Variants in SLC30A9 observed in about 807,000 individuals in gnomAD.
The protein encoded by SLC30A9 is proton-coupled zinc antiporter SLC30A9, mitochondrial.
Under a neutral mutation model 87.5 loss-of-function variants are expected in SLC30A9, and 58 were observed. The ratio of observed to expected loss-of-function variants is 0.66; its 90% CI spans 0.54 to 0.82. The LOEUF is 0.82. SLC30A9 is among the 40% of genes least tolerant of loss of function. The pLI, the probability that SLC30A9 is intolerant of heterozygous loss-of-function variation, is 0.00. For missense variants in SLC30A9, 557 were observed against 679.1 expected, an observed-to-expected ratio of 0.82 and a Z score of 2.00; for synonymous variants, 234 against 233.0, an observed-to-expected ratio of 1.00 and a Z score of -0.04.
At chr4:41,994,048 T>G (rs1714578758) in intron 1 of SLC30A9, among the ~76,000 whole-genome samples, 1 of 152,076 alleles carries the variant, frequency 6.6e-6, no homozygotes, top group African/African-American at 2.4e-5. Context: ...TCCCAGCTAC[T>G]TGGGAGACTG....
chr4:42,075,055 ATATATTTTTTTTTTTTTTTT>A (rs1718489617), intron 15 of SLC30A9, among the ~76,000 whole-genome samples: 2 of 21,700 alleles, frequency 9.2e-5, no homozygotes, highest in African/African-American at 3.5e-4. Context: ...ATATATATAT[ATATATTTTTTTTTTTTTTTT>A]TTTTTTTTTT....
In SLC30A9 at chr4:41,995,136, T is replaced by C. The variant is rs189963552; in HGVS notation, c.109+4376T>C. ...TTAGCTGGGCATGGTGGCAGGCGCC[T>C]GTAATCCCAGCTACTTGGGAGGCTG... On this transcript the variant is annotated intron_variant, in intron 1 of 17. Coordinates refer to ENST00000264451, the MANE Select transcript of SLC30A9 (RefSeq NM_006345.4). Among the ~76,000 whole-genome samples, 63 of 152,260 alleles carry C rather than the reference T, an allele frequency of 4.1e-4. 1 individual carries two copies. Among genetic ancestry groups the C allele is most frequent in the African/African-American group, 1.2e-3 (50 of 41,552 alleles).
intron 1 of SLC30A9, 88 bp downstream of exon 1, chr4:41,990,848 C>A: frequency 1.1e-6 from 1 of 945,956 alleles, no homozygotes; most frequent in South Asian, 1.4e-5. Context: ...GCAATTCGCC[C>A]ACTTGCCTTT....
chr4:42,010,186 G>C lies in SLC30A9; in HGVS notation c.275-7925G>C, dbSNP rs1715379788. ...CATGCTTTAGGTATCAAAACGTACT[G>C]TATTTTGGTCAAGTGAAGTGGCTCA... On this transcript the variant is annotated intron_variant, in intron 2 of 17. Coordinates refer to ENST00000264451, the MANE Select transcript of SLC30A9 (RefSeq NM_006345.4). 2.6e-5 allele frequency among the ~76,000 whole-genome samples: 4 copies of C among 152,114 alleles called. No individual in the cohort carries two copies. In the South Asian group the frequency reaches 6.2e-4, roughly 24 times the overall value.
intron 3 of SLC30A9, chr4:42,018,619 T>G (rs530015020): frequency 5.4e-5 from 14 of 256,898 alleles, no homozygotes; most frequent in African/African-American, 2.8e-4. Flanking sequence ...AAGCAGCTGT[T>G]TCATGGAGGC....
intron 8 of SLC30A9, among the ~76,000 whole-genome samples, chr4:42,046,059 A>T: frequency 6.6e-6 from 1 of 152,218 alleles, no homozygotes. Flanking sequence ...CTCTCACCTT[A>T]AACTAGGTAT....
At chr4:42,026,699 C>T (rs1716206190) in intron 6 of SLC30A9, among the ~76,000 whole-genome samples, 1 of 143,332 alleles carries the variant, frequency 7.0e-6, no homozygotes, top group South Asian at 2.3e-4. Flanking sequence ...CTGTTAAAAG[C>T]CCTAAGTTTG....
At chr4:42,041,042 C>A (rs1716902112) in intron 8 of SLC30A9, among the ~76,000 whole-genome samples, 1 of 152,110 alleles carries the variant, frequency 6.6e-6, no homozygotes, top group South Asian at 2.1e-4. Flanking sequence ...TTATGTCTTA[C>A]ATGGATGGCA....
chr4:42,040,726 G>A (rs1362434400), intron 8 of SLC30A9, among the ~76,000 whole-genome samples: 4 of 148,862 alleles, frequency 2.7e-5, no homozygotes, highest in African/African-American at 9.9e-5. Context: ...AACCCGGGAG[G>A]TGGAGCTTGC....
At chr4:42,060,306 A>G in intron 10 of SLC30A9, 60 bp downstream of exon 10, 1 of 1,258,304 alleles carries the variant, frequency 7.9e-7, no homozygotes. Context: ...TGAAATAACT[A>G]AATATCAGAA....
In SLC30A9 at chr4:42,018,327, T is replaced by A. The variant is rs967663870; in HGVS notation, c.334+157T>A. The A allele has an allele frequency of 5.8e-6, 5 of 854,946 alleles. No homozygotes were observed. The African/African-American group carries it at 8.7e-5, about 15-fold the overall frequency. The allele number at this position is 854,946 out of a possible 1,614,324, so 53.0% of individuals were successfully genotyped here. A position where few individuals can be genotyped will look rare whatever the true frequency, so the allele number is the denominator to read the frequency against. On this transcript the variant is annotated intron_variant, in intron 3 of 17. Transcript: ENST00000264451. ...GATTGACCATAAGGATTTATTCTCT[T>A]ACATATAAACTAATTTTCTATTAAA...
At chr4:42,066,824 G>A (rs747808208) in intron 13 of SLC30A9, among the ~76,000 whole-genome samples, 6 of 152,078 alleles carry the variant, frequency 3.9e-5, no homozygotes, top group Non-Finnish European at 8.8e-5. Context: ...ATTTGGATTT[G>A]ACTTAAGTGA....
At chr4:41,994,588 C>G (rs1477430206) in intron 1 of SLC30A9, among the ~76,000 whole-genome samples, 1 of 151,590 alleles carries the variant, frequency 6.6e-6, no homozygotes, top group Non-Finnish European at 1.5e-5. Flanking sequence ...TATTTATTGT[C>G]ATAAGAAAAG....
intron 9 of SLC30A9, among the ~76,000 whole-genome samples, chr4:42,055,275 A>G (rs931309747): frequency 2.0e-5 from 3 of 152,154 alleles, no homozygotes; most frequent in African/African-American, 7.2e-5. Context: ...TAAAATTTTA[A>G]TTCATTGTAA....
chr4:42,082,262 G>C (rs1267141818), intron 17 of SLC30A9, among the ~76,000 whole-genome samples: 1 of 151,570 alleles, frequency 6.6e-6, no homozygotes, highest in Non-Finnish European at 1.5e-5. Flanking sequence ...AGATAATAAA[G>C]CATAATTAAT....
At chr4:42,050,007 G>C (rs903894858) in intron 9 of SLC30A9, among the ~76,000 whole-genome samples, 1 of 152,104 alleles carries the variant, frequency 6.6e-6, no homozygotes, top group Non-Finnish European at 1.5e-5. Flanking sequence ...ATTTTAAAGA[G>C]TGTGGTATAT....
chr4:42,007,966 G>C lies in SLC30A9; in HGVS notation c.274+6186G>C, dbSNP rs73810475. 9.6e-3 allele frequency among the ~76,000 whole-genome samples: 1,462 copies of C among 152,210 alleles called. 26 individuals carry two copies. Among genetic ancestry groups the C allele is most frequent in the African/African-American group, 0.034 (1,405 of 41,534 alleles). ...AATTAAAACTCTCCATTGGCTTCTAGTTACCCATAGAACAAAGCCAAGACT... is the reference window on the plus strand; with the variant it reads ...AATTAAAACTCTCCATTGGCTTCTACTTACCCATAGAACAAAGCCAAGACT... On this transcript the variant is annotated intron_variant, in intron 2 of 17. Transcript: ENST00000264451.
chr4:41,995,214 C>T (rs934785312), intron 1 of SLC30A9, among the ~76,000 whole-genome samples: 10 of 152,104 alleles, frequency 6.6e-5, no homozygotes, highest in Admixed American at 2.0e-4. Context: ...GAGCCGAGAT[C>T]GTGCCATTGC....
intron 6 of SLC30A9, among the ~76,000 whole-genome samples, chr4:42,031,511 G>C (rs1006582329): frequency 6.6e-6 from 1 of 152,124 alleles, no homozygotes; most frequent in Non-Finnish European, 1.5e-5. Context: ...TGCTTTCAAA[G>C]CAATGAATAT....
Sources: allele counts gnomAD v4.1 joint callset (sites outside exome capture counted in the v4.1 genomes callset), GRCh38; gene constraint gnomAD v4.1.1; transcripts MANE v1.5; gene names NCBI Gene and HGNC (gene_info 2026-07-23, HGNC 2026-07-21).